DCT: variants seen among roughly 807,000 people sequenced by gnomAD.
DCT encodes the protein dopachrome tautomerase.
A neutral mutation model predicts 53.0 loss-of-function variants in DCT; 47 were observed. That is an observed-to-expected ratio of 0.89 (90% CI 0.70 to 1.13). DCT has a LOEUF of 1.13. DCT is among the 50% of genes most tolerant of loss of function. The probability of loss-of-function intolerance (pLI) is 0.00; values close to 1 mark genes in which losing one functional copy is unlikely to be tolerated. For missense variants in DCT, 669 were observed against 637.4 expected (o/e 1.05, Z -0.53); for synonymous variants, 244 against 237.0 (o/e 1.03, Z -0.27).
At chr13:94,541,820 T>TA in the DCT span, among the ~76,000 whole-genome samples, 1 of 152,142 alleles carries the variant, frequency 6.6e-6, no homozygotes, top group Non-Finnish European at 1.5e-5. Context: ...TATGTGTCCA[T>TA]AAAAAATGTT....
chr13:94,511,855 T>C, the DCT span, among the ~76,000 whole-genome samples: 1 of 151,170 alleles, frequency 6.6e-6, no homozygotes, highest in East Asian at 1.9e-4. Context: ...TGTGTGTGTG[T>C]GTGTGTGTGT....
At chr13:94,496,814 C>T in the DCT span, among the ~76,000 whole-genome samples, 1 of 152,162 alleles carries the variant, frequency 6.6e-6, no homozygotes, top group Admixed American at 6.5e-5. Flanking sequence ...CATGGATATT[C>T]GGCTTCTGCA....
intron 6 of DCT, among the ~76,000 whole-genome samples, chr13:94,452,235 G>A (rs1490811301): frequency 6.6e-6 from 1 of 152,128 alleles, no homozygotes; most frequent in Non-Finnish European, 1.5e-5. Flanking sequence ...GTTTCACCAT[G>A]TTGGCCAGGC....
chr13:94,455,073 G>A (rs368543827), intron 6 of DCT, among the ~76,000 whole-genome samples: 2 of 152,104 alleles, frequency 1.3e-5, no homozygotes, highest in African/African-American at 4.8e-5. Context: ...AAAGCAGAAG[G>A]AGAAATATGA....
rs1883674268 is a variant in DCT at position 94,460,024 on chromosome 13, T to C, written c.1179+67A>G. On this transcript the variant is annotated intron_variant, in intron 6 of 7. Transcript: ENST00000377028. The stretch of plus-strand genomic sequence containing the variant: ...GAATAAAACACCATCAAACATTAAT[T>C]GTATGAAAAAATAAATCTGACATAT... 2.9e-5 allele frequency: 42 copies of C among 1,472,388 alleles called. No individual in the cohort carries two copies. In the South Asian group the frequency reaches 4.9e-4, roughly 17 times the overall value. 91.2% of individuals were successfully genotyped at this position (1,472,388 alleles called of 1,614,324 possible).
chr13:94,465,847 C>A, intron 3 of DCT, 48 bp from the exon 4 acceptor site: 2 of 1,545,012 alleles, frequency 1.3e-6, no homozygotes, highest in Non-Finnish European at 1.8e-6. Flanking sequence ...CCATCAGATA[C>A]AACAAGAAAG....
At chr13:94,467,972 G>T (rs1884342710) in intron 2 of DCT, 1 of 152,106 alleles carries the variant, frequency 6.6e-6, no homozygotes, top group African/African-American at 2.4e-5. Flanking sequence ...TAAGGACAAA[G>T]CTGAACCTAC....
rs78182872 is a variant in DCT, at chr13:94,445,712, T to G, written c.1180-2075A>C. ...ACCTGAGTAGAGCCTCCCAGGCTCATGGTTACCAGCACATGCAGGGAAGGG... is the reference window on the plus strand; with the variant it reads ...ACCTGAGTAGAGCCTCCCAGGCTCAGGGTTACCAGCACATGCAGGGAAGGG... On this transcript the variant is annotated intron_variant, in intron 6 of 7. Coordinates refer to ENST00000377028, the MANE Select transcript of DCT (RefSeq NM_001922.5). 4 of 1,579,636 alleles carry G rather than the reference T, an allele frequency of 2.5e-6. No individual in the cohort carries two copies. The South Asian group carries it at 4.6e-5, about 18-fold the overall frequency.
At chr13:94,515,191 A>C in the DCT span, among the ~76,000 whole-genome samples, 2 of 152,194 alleles carry the variant, frequency 1.3e-5, no homozygotes, top group Admixed American at 6.5e-5. Flanking sequence ...GTAAGAAATA[A>C]ATGTCTGTTG....
upstream of DCT, among the ~76,000 whole-genome samples, chr13:94,480,455 C>G: frequency 6.6e-6 from 1 of 152,244 alleles, no homozygotes; most frequent in Non-Finnish European, 1.5e-5. Context: ...AACTGTTTCA[C>G]AGTGGAAACA....
the DCT span, among the ~76,000 whole-genome samples, chr13:94,542,461 G>A: frequency 2.6e-5 from 4 of 152,252 alleles, no homozygotes; most frequent in African/African-American, 9.6e-5. Context: ...AAAGTGCTGG[G>A]ATTACAGGTG....
the DCT span, among the ~76,000 whole-genome samples, chr13:94,520,949 C>T: frequency 1.3e-5 from 2 of 152,226 alleles, no homozygotes; most frequent in South Asian, 4.1e-4. Context: ...GGACAGAATA[C>T]AGCCCAGTAC....
At chr13:94,503,980 A>T in the DCT span, among the ~76,000 whole-genome samples, 1 of 152,220 alleles carries the variant, frequency 6.6e-6, no homozygotes, top group Non-Finnish European at 1.5e-5. Context: ...TAAGTGAAGT[A>T]AACATTTTCT....
chr13:94,439,658 G>T lies in DCT; in HGVS notation c.*240C>A. The T allele has an allele frequency of 2.6e-5, 8 of 303,754 alleles. No homozygotes were observed. The highest frequency in any genetic ancestry group is 5.0e-5 in the Admixed American group (1 of 20,180). The allele number at this position is 303,754 out of a possible 1,614,324, so 18.8% of individuals were successfully genotyped here. On this transcript the variant is annotated 3_prime_UTR_variant, in exon 8 of 8. Transcript: ENST00000377028. The stretch of plus-strand genomic sequence containing the variant: ...GGGTTATTATTAGATATCACAAATT[G>T]TCAGGTCTATCTTTATTTGAAGGTA...
rs544592936 is a variant in DCT, at chr13:94,476,336, T to C, written c.295+2625A>G. ...ATCCCTACCTAAAACAAAACAAAAC[T>C]TGCTAGCCATGGCAAAAATATGAAG... On this transcript the variant is annotated intron_variant, in intron 1 of 7. Transcript: ENST00000377028. 3.9e-5 allele frequency among the ~76,000 whole-genome samples: 6 copies of C among 151,914 alleles called. No individual in the cohort carries two copies. In the South Asian group the frequency reaches 1.2e-3, roughly 32 times the overall value.
the DCT span, among the ~76,000 whole-genome samples, chr13:94,499,982 A>G: frequency 6.6e-6 from 1 of 152,368 alleles, no homozygotes; most frequent in Admixed American, 6.5e-5. Flanking sequence ...TAATTAACAT[A>G]TCCATAACAT....
chr13:94,541,574 AT>A, the DCT span, among the ~76,000 whole-genome samples: 2 of 152,170 alleles, frequency 1.3e-5, no homozygotes, highest in African/African-American at 4.8e-5. Context: ...ACAATAATTT[AT>A]TGCATAGGTT....
chr13:94,461,230 G>A (rs1049879821), intron 5 of DCT, among the ~76,000 whole-genome samples: 10 of 152,202 alleles, frequency 6.6e-5, no homozygotes, highest in African/African-American at 1.9e-4. Flanking sequence ...GGTTAGAAAT[G>A]CAAGTTGTTA....
the DCT span, among the ~76,000 whole-genome samples, chr13:94,534,049 A>T: frequency 6.6e-6 from 1 of 152,082 alleles, no homozygotes; most frequent in Admixed American, 6.6e-5. Context: ...TTTCCAATAG[A>T]ACAAGATCAA....
Sources: gnomAD v4.1 joint callset for allele counts (sites outside exome capture counted in the v4.1 genomes callset) on GRCh38, gnomAD v4.1.1 for gene constraint, MANE v1.5 for transcripts, NCBI Gene and HGNC (gene_info 2026-07-23, HGNC 2026-07-21) for gene names.